Variants in TMC8 observed in about 807,000 individuals in gnomAD.
TMC8 encodes the protein transmembrane channel-like protein 8.
A neutral mutation model predicts 76.0 loss-of-function variants in TMC8; 71 were observed. The observed-to-expected ratio is 0.93, with a 90% confidence interval of 0.77 to 1.14. TMC8 has a LOEUF of 1.14. Ranked by LOEUF, TMC8 falls within the 50% of genes most tolerant of loss-of-function variation. The pLI, the probability that TMC8 is intolerant of heterozygous loss-of-function variation, is 0.00. For missense variants in TMC8, 924 were observed against 947.9 expected (o/e 0.97, Z 0.33); for synonymous variants, 433 against 433.8 (o/e 1.00, Z 0.02).
At position 78,133,927 on chromosome 17, in the gene TMC8, C is replaced by T. The variant is rs2075130482; in HGVS notation, c.743C>T (p.Ser248Phe). Residue 248 changes from serine to phenylalanine, a missense_variant, in exon 7 of 16, where the codon TCC becomes TTC. Ser to Phe is a radical substitution (Grantham distance 155). Transcript: ENST00000318430. ...YQAPLSAKVF[S>F]SWDFCIRVQE... Reference sequence around the variant, plus strand: ...GCGCCTCTCAGCGCCAAGGTCTTCTCCTCATGGGACTTCTGCATCCGGGTG... The same window carrying T: ...GCGCCTCTCAGCGCCAAGGTCTTCTTCTCATGGGACTTCTGCATCCGGGTG... 13 of 1,613,680 alleles carry T rather than the reference C, an allele frequency of 8.1e-6. No individual in the cohort carries two copies. Among genetic ancestry groups the T allele is most frequent in the Non-Finnish European group, 1.1e-5 (13 of 1,180,050 alleles).
chr17:78,130,959 G>A (rs1177355120), intron 1 of TMC8, 108 bp downstream of exon 1: 1 of 167,954 alleles, frequency 6.0e-6, no homozygotes, highest in Non-Finnish European at 1.3e-5. Flanking sequence ...CCCCACGGCT[G>A]GGGCTGTAGC....
chr17:78,140,753 C>T, intron 15 of TMC8, 81 bp from the exon 16 acceptor site: 1 of 1,540,716 alleles, frequency 6.5e-7, no homozygotes, highest in Non-Finnish European at 8.8e-7. Context: ...CCATGGGCCG[C>T]AGAGTTGCTG....
At chr17:78,133,256 C>A in intron 5 of TMC8, 150 bp from the exon 6 acceptor site, 2 of 1,251,062 alleles carry the variant, frequency 1.6e-6, no homozygotes, top group Non-Finnish European at 2.3e-6. Flanking sequence ...TGACCGTGGG[C>A]ACGTTGCCGA....
chr17:78,135,570 C>T (rs1003540759), intron 9 of TMC8, among the ~76,000 whole-genome samples: 2 of 152,160 alleles, frequency 1.3e-5, no homozygotes, highest in African/African-American at 2.4e-5. Context: ...GTTCTGCCAT[C>T]TTCTGTCTCA....
chr17:78,136,905 T>C (rs769380249), intron 9 of TMC8: 3 of 355,896 alleles, frequency 8.4e-6, no homozygotes, highest in Non-Finnish European at 1.7e-5. Flanking sequence ...GTACTCAAAA[T>C]ACAAAATTTA....
chr17:78,132,139 A>T, intron 3 of TMC8, 109 bp downstream of exon 3: 1 of 1,499,202 alleles, frequency 6.7e-7, no homozygotes, highest in Non-Finnish European at 9.0e-7. Context: ...GGGTCCCCCG[A>T]CCAATCGGCC....
At position 78,132,616 on chromosome 17, in the gene TMC8, G is replaced by A. The variant is rs2075049348; in HGVS notation, c.448+108G>A. On this transcript the variant is annotated intron_variant, in intron 4 of 15. Coordinates refer to ENST00000318430, the MANE Select transcript of TMC8 (RefSeq NM_152468.5). ...ACAACGCTGGGCGTGGTCCTGCCGTGCAGGCCCCGGGGCTCTCTCTCCCTG... is the reference window on the plus strand; with the variant it reads ...ACAACGCTGGGCGTGGTCCTGCCGTACAGGCCCCGGGGCTCTCTCTCCCTG... 2.6e-6 allele frequency: 4 copies of A among 1,520,098 alleles called. No homozygotes were observed. In the African/African-American group the frequency reaches 4.1e-5, roughly 16 times the overall value. 94.2% of individuals were successfully genotyped at this position (1,520,098 alleles called of 1,614,324 possible).
Position 78,134,906 on chromosome 17 carries a change from G to T in TMC8, c.1024G>T (p.Gly342Trp), listed in dbSNP as rs112802399. ...TCTGCTGCTCCAGTACCTGCCCCCT[G>T]GGGTCATCGCCCTGGTCAACTTCCT... ...LFLLLQYLPP[G>W]VIALVNFLGP... The change falls in exon 9 of 16, where the codon GGG becomes TGG. Residue 342 changes from glycine to tryptophan, a missense_variant. Physicochemically the swap from Gly to Trp is radical, Grantham distance 184 (BLOSUM62 -2). Coordinates refer to ENST00000318430, the MANE Select transcript of TMC8 (RefSeq NM_152468.5). The T allele has an allele frequency of 0.029, 46,611 of 1,614,058 alleles. 832 individuals carry two copies. The highest frequency in any genetic ancestry group is 0.057 in the South Asian group (5,195 of 91,090).
In TMC8 at chr17:78,131,447, C is replaced by T; in HGVS notation, c.-142C>T. The T allele has an allele frequency of 1.6e-6, 2 of 1,232,582 alleles. No homozygotes were observed. Among genetic ancestry groups the T allele is most frequent in the Non-Finnish European group, 2.3e-6 (2 of 879,696 alleles). 76.4% of individuals were successfully genotyped at this position (1,232,582 alleles called of 1,614,324 possible). A position where few individuals can be genotyped will look rare whatever the true frequency, so the allele number is the denominator to read the frequency against. ...GCTGCAGGAGCCCAGGCCCCGACGC[C>T]GGCGCAGAGGGGACGGAAGGGCCCG... On this transcript the variant is annotated 5_prime_UTR_variant, in exon 2 of 16. Coordinates refer to ENST00000318430, the MANE Select transcript of TMC8 (RefSeq NM_152468.5).
At position 78,133,475 on chromosome 17, in the gene TMC8, A is replaced by G; in HGVS notation, c.601A>G (p.Ile201Val). 1.9e-6 allele frequency: 3 copies of G among 1,613,670 alleles called. No homozygotes were observed. The highest frequency in any genetic ancestry group is 2.5e-6 in the Non-Finnish European group (3 of 1,180,014). ...GCCGGAGAGCAGCTCCGTGTACAGC[A>G]TCCGCCTGGCCTACCTCCTCAGCCC... is the stretch of plus-strand genomic sequence containing the variant. ...VGPESSSVYSIRLAYLLSPLA... is the reference protein window; with the variant it reads ...VGPESSSVYSVRLAYLLSPLA... Residue 201 changes from isoleucine (I) to valine (V), a missense_variant, in exon 6 of 16, where the codon ATC becomes GTC. Transcript: ENST00000318430.
Position 78,135,027 on chromosome 17 carries a change from TG to T in TMC8, c.1127+22del, listed in dbSNP as rs1205601332. The T allele has an allele frequency of 6.2e-7, 1 of 1,613,846 alleles. No homozygotes were observed. The highest frequency in any genetic ancestry group is 1.1e-5 in the South Asian group (1 of 91,084). ...CTGATCTGGTGAGTGCCACCCTTGG[TG>T]GGGACAAGTGGGCATGTAACAAGTC... On this transcript the variant is annotated intron_variant, in intron 9 of 15. Coordinates refer to ENST00000318430, the MANE Select transcript of TMC8 (RefSeq NM_152468.5).
chr17:78,138,768 C>T, intron 14 of TMC8, 36 bp downstream of exon 14: 1 of 1,600,502 alleles, frequency 6.2e-7, no homozygotes. Context: ...GAGGGGACAC[C>T]TGGAGGGGGA....
In TMC8 at chr17:78,133,462, C is replaced by T. The variant is rs753276602; in HGVS notation, c.588C>T (p.Ser196=). The T allele has an allele frequency of 4.3e-6, 7 of 1,613,754 alleles. No individual in the cohort carries two copies. In the East Asian group the frequency reaches 6.7e-5, roughly 15 times the overall value. ...CGTACCGAGTGGGGCCGGAGAGCAG[C>T]TCCGTGTACAGCATCCGCCTGGCCT... ...YGAYRVGPES[S]SVYSIRLAYL... is the part of the protein sequence containing the mutation. Residue 196 remains serine (S), a synonymous_variant, in exon 6 of 16, where the codon AGC becomes AGT. Transcript: ENST00000318430.
At chr17:78,140,326 C>CAAA (rs34749218) in intron 15 of TMC8, among the ~76,000 whole-genome samples, 55 of 132,006 alleles carry the variant, frequency 4.2e-4, no homozygotes, top group Middle Eastern at 3.7e-3. Context: ...CCAGTTTCCA[C>CAAA]AAAAAAAAAA....
rs1327457405 is a variant in TMC8 at position 78,142,459 on chromosome 17, C to G, written c.*1347C>G. ...GCCCTCAGGGCTGGGGGCTTCTTCA[C>G]ATGGTCATCAAAGACTTGGCCAGTT... On this transcript the variant is annotated 3_prime_UTR_variant, in exon 16 of 16. Coordinates refer to ENST00000318430, the MANE Select transcript of TMC8 (RefSeq NM_152468.5). 1 of 152,388 alleles carries G rather than the reference C, an allele frequency of 6.6e-6. No homozygotes were observed. The highest frequency in any genetic ancestry group is 1.5e-5 in the Non-Finnish European group (1 of 68,146). The allele number at this position is 152,388 out of a possible 1,614,324, so 9.4% of individuals were successfully genotyped here.
intron 14 of TMC8, 152 bp from the exon 15 acceptor site, chr17:78,139,010 G>A: frequency 6.4e-7 from 1 of 1,569,226 alleles, no homozygotes; most frequent in Non-Finnish European, 8.6e-7. Flanking sequence ...CTGCGAGGAA[G>A]GAGAGGAGGG....
rs1246147554 is a variant in TMC8 at position 78,134,741 on chromosome 17, C to A, written c.988-129C>A. ...ATTCCCGCCAACTGCCAGGCTGCTG[C>A]AGGGAATAGCTTACAGGCGACCCTA... On this transcript the variant is annotated intron_variant, in intron 8 of 15. Coordinates refer to ENST00000318430, the MANE Select transcript of TMC8 (RefSeq NM_152468.5). 29 of 1,537,500 alleles carry A rather than the reference C, an allele frequency of 1.9e-5. No homozygotes were observed. The Middle Eastern group carries it at 7.7e-4, about 41-fold the overall frequency.
In TMC8 at chr17:78,138,749, G is replaced by A. The variant is rs568466050; in HGVS notation, c.1823+17G>A. 2.7e-5 allele frequency: 43 copies of A among 1,602,746 alleles called. 1 individual carries two copies. The South Asian group carries it at 4.6e-4, about 17-fold the overall frequency. On this transcript the variant is annotated intron_variant, in intron 14 of 15. Coordinates refer to ENST00000318430, the MANE Select transcript of TMC8 (RefSeq NM_152468.5). ...CATGCTCAGGTTCTCAGGGCAGCCG[G>A]GGCCATGGGAGGGGACACCTGGAGG... is the stretch of plus-strand genomic sequence containing the variant.
chr17:78,133,084 G>A lies in TMC8; in HGVS notation c.531+214G>A, dbSNP rs373747548. Among the ~76,000 whole-genome samples, 13 of 152,284 alleles carry A rather than the reference G, an allele frequency of 8.5e-5. No homozygotes were observed. The East Asian group carries it at 2.5e-3, about 29-fold the overall frequency. On this transcript the variant is annotated intron_variant, in intron 5 of 15. Transcript: ENST00000318430. ...CATAGACTCATGGACACATGCCCGT[G>A]GTCCTCAGAGCCCAGCTGGTGTAGG...
Sources: gnomAD v4.1 joint callset for allele counts (sites outside exome capture counted in the v4.1 genomes callset) on GRCh38, gnomAD v4.1.1 for gene constraint, MANE v1.5 for transcripts, NCBI Gene and HGNC (gene_info 2026-07-23, HGNC 2026-07-21) for gene names.